Variants in DOCK3 observed in about 807,000 individuals in gnomAD.
The protein encoded by DOCK3 is dedicator of cytokinesis 3, also known as dedicator of cytokinesis protein 3.
A neutral mutation model predicts 265.6 loss-of-function variants in DOCK3; 60 were observed. The ratio of observed to expected loss-of-function variants is 0.23; its 90% CI spans 0.18 to 0.28. DOCK3 has a LOEUF of 0.28. Among genes scored for constraint, DOCK3 ranks in the 10% least tolerant of loss-of-function variants. DOCK3 has a pLI of 1.00. For synonymous variants in DOCK3, 881 were observed against 938.0 expected (o/e 0.94, Z 1.11); for missense variants, 1,981 against 2,594.3 (o/e 0.76, Z 5.14).
intron 27 of DOCK3, among the ~76,000 whole-genome samples, chr3:51,292,348 A>G (rs1182768959): frequency 6.6e-6 from 1 of 152,234 alleles, no homozygotes; most frequent in East Asian, 1.9e-4. Flanking sequence ...ATGGTCATAT[A>G]TATAGAAAAT....
chr3:51,223,649 A>T (rs530989626), intron 14 of DOCK3, among the ~76,000 whole-genome samples: 44 of 152,336 alleles, frequency 2.9e-4, no homozygotes, highest in African/African-American at 8.2e-4. Flanking sequence ...ATGTGCAATT[A>T]AAAGACTTTT....
chr3:50,859,773 G>A (rs1369070841), intron 3 of DOCK3, among the ~76,000 whole-genome samples: 1 of 152,158 alleles, frequency 6.6e-6, no homozygotes, highest in Non-Finnish European at 1.5e-5. Flanking sequence ...TCCAGAAGGC[G>A]ACACTTAGGC....
At chr3:50,748,587 T>C (rs1236679931) in intron 1 of DOCK3, among the ~76,000 whole-genome samples, 3 of 152,224 alleles carry the variant, frequency 2.0e-5, no homozygotes, top group African/African-American at 7.2e-5. Context: ...AATGAATTTC[T>C]TGAAACTAAA....
chr3:51,164,387 C>T (rs1040467167), intron 12 of DOCK3, among the ~76,000 whole-genome samples: 1 of 152,118 alleles, frequency 6.6e-6, no homozygotes, highest in Non-Finnish European at 1.5e-5. Context: ...CTTTGGGAGG[C>T]TGAGGCAGGC....
At chr3:51,256,469 C>G (rs568721795) in intron 22 of DOCK3, among the ~76,000 whole-genome samples, 2 of 152,218 alleles carry the variant, frequency 1.3e-5, no homozygotes, top group African/African-American at 2.4e-5. Flanking sequence ...TGGGGTTTCA[C>G]CATATTGGCC....
intron 17 of DOCK3, 108 bp downstream of exon 17, chr3:51,228,196 G>T: frequency 9.4e-7 from 1 of 1,062,890 alleles, no homozygotes; most frequent in East Asian, 2.5e-5. Flanking sequence ...GAAGACCAAG[G>T]GAAGTGCACT....
intron 2 of DOCK3, among the ~76,000 whole-genome samples, chr3:50,817,982 T>C (rs2044187564): frequency 6.6e-6 from 1 of 152,236 alleles, no homozygotes; most frequent in Non-Finnish European, 1.5e-5. Flanking sequence ...TTCAGTATTA[T>C]GCATGGAGGT....
chr3:51,266,688 A>T (rs560435114), intron 23 of DOCK3, among the ~76,000 whole-genome samples: 1 of 152,370 alleles, frequency 6.6e-6, no homozygotes, highest in East Asian at 1.9e-4. Flanking sequence ...AAGATGTATT[A>T]AAGACTTAAA....
At chr3:51,036,188 T>C (rs2080254724) in intron 5 of DOCK3, among the ~76,000 whole-genome samples, 1 of 152,204 alleles carries the variant, frequency 6.6e-6, no homozygotes, top group South Asian at 2.1e-4. Flanking sequence ...ATTGGTGTTT[T>C]GTATTTTGCC....
rs1265879488 is a variant in DOCK3 at position 51,357,248 on chromosome 3, T to C, written c.4683+107T>C. 5.6e-6 allele frequency: 7 copies of C among 1,255,156 alleles called. No homozygotes were observed. In the African/African-American group the frequency reaches 1.0e-4, roughly 19 times the overall value. The allele number at this position is 1,255,156 out of a possible 1,614,324, so 77.8% of individuals were successfully genotyped here. ...GTCTCCTTAGGTAGCCTTCCCTACA[T>C]GCCCTCTCTTGACATGGTCCTGGAA... On this transcript the variant is annotated intron_variant, in intron 44 of 52. Transcript: ENST00000266037.
chr3:50,828,283 C>T (rs188525975), intron 2 of DOCK3, among the ~76,000 whole-genome samples: 1 of 152,102 alleles, frequency 6.6e-6, no homozygotes, highest in Non-Finnish European at 1.5e-5. Context: ...TACCACTCCC[C>T]AGATCGCATG....
At chr3:51,309,325 C>T (rs905411896) in intron 27 of DOCK3, among the ~76,000 whole-genome samples, 2 of 152,216 alleles carry the variant, frequency 1.3e-5, no homozygotes, top group Non-Finnish European at 2.9e-5. Context: ...ACTCCGTCTG[C>T]AATCCCGGCA....
At chr3:50,941,352 T>C (rs542318698) in intron 5 of DOCK3, among the ~76,000 whole-genome samples, 17 of 152,202 alleles carry the variant, frequency 1.1e-4, no homozygotes, top group African/African-American at 3.9e-4. Context: ...ATGCAAATAA[T>C]TGCTACAATG....
chr3:50,690,918 T>C (rs1285676262), intron 1 of DOCK3, among the ~76,000 whole-genome samples: 1 of 151,620 alleles, frequency 6.6e-6, no homozygotes, highest in Non-Finnish European at 1.5e-5. Flanking sequence ...TGGGATTACA[T>C]GTATGAGCCA....
intron 1 of DOCK3, among the ~76,000 whole-genome samples, chr3:50,772,098 G>A (rs892895405): frequency 3.4e-4 from 52 of 152,138 alleles, no homozygotes; most frequent in Admixed American, 2.0e-4. Flanking sequence ...ACACAACGGA[G>A]TACTATTCAA....
chr3:50,904,801 T>G (rs571047507), intron 4 of DOCK3, among the ~76,000 whole-genome samples: 5 of 152,198 alleles, frequency 3.3e-5, no homozygotes, highest in African/African-American at 1.2e-4. Context: ...TGTCTATTTT[T>G]GCTTTTGTTG....
rs1414449538 is a variant in DOCK3 at position 51,076,370 on chromosome 3, G to A, written c.549+930G>A. Among the ~76,000 whole-genome samples the A allele has an allele frequency of 2.2e-4, 33 of 152,190 alleles. 1 individual carries two copies. Among genetic ancestry groups the A allele is most frequent in the Admixed American group, 2.2e-3 (33 of 15,274 alleles). On this transcript the variant is annotated intron_variant, in intron 7 of 52. Transcript: ENST00000266037. The stretch of plus-strand genomic sequence containing the variant: ...ACAGCCAGCTACTTGGAAGGCTGAA[G>A]TGATAGGATCGCTTGAGCTCAGGAT...
At chr3:51,170,292 A>AT (rs76007126) in intron 12 of DOCK3, among the ~76,000 whole-genome samples, 258 of 150,372 alleles carry the variant, frequency 1.7e-3, no homozygotes, top group Non-Finnish European at 2.5e-3. Context: ...CCTTCACTTC[A>AT]TTTTTTTTTG....
chr3:51,366,052 A>G (rs1390974201), intron 49 of DOCK3, among the ~76,000 whole-genome samples: 1 of 152,214 alleles, frequency 6.6e-6, no homozygotes, highest in Non-Finnish European at 1.5e-5. Context: ...GAATTGTTTC[A>G]GAAGGAATGG....
Sources: gnomAD v4.1 joint callset for allele counts (sites outside exome capture counted in the v4.1 genomes callset) on GRCh38, gnomAD v4.1.1 for gene constraint, MANE v1.5 for transcripts, NCBI Gene and HGNC (gene_info 2026-07-23, HGNC 2026-07-21) for gene names.